Variants in TBX19 observed in about 807,000 individuals in gnomAD.
TBX19 encodes T-box transcription factor 19.
In TBX19, 33 loss-of-function variants were observed where a neutral mutation model predicts 40.9. That is an observed-to-expected ratio of 0.81 (90% CI 0.61 to 1.08). The LOEUF (loss-of-function observed/expected upper bound fraction) is 1.08. Among genes scored for constraint, TBX19 ranks in the 50% least tolerant of loss-of-function variants. The probability of loss-of-function intolerance (pLI) is 0.00; values close to 1 mark genes in which losing one functional copy is unlikely to be tolerated. For synonymous variants in TBX19, 220 were observed against 225.0 expected, an observed-to-expected ratio of 0.98 and a Z score of 0.20; for missense variants, 494 against 574.0, an observed-to-expected ratio of 0.86 and a Z score of 1.42.
At chr1:168,293,057 G>T in intron 2 of TBX19, 87 bp from the exon 3 acceptor site, 1 of 1,594,430 alleles carries the variant, frequency 6.3e-7, no homozygotes. Flanking sequence ...TGCTAAGCTT[G>T]GGACCAACTG....
chr1:168,305,240 T>A (rs1558194523), intron 6 of TBX19, 44 bp downstream of exon 6: 1 of 1,594,948 alleles, frequency 6.3e-7, no homozygotes, highest in Admixed American at 1.7e-5. Context: ...TGGGCTGGGG[T>A]GGGGGCAGTC....
At chr1:168,292,824 A>C (rs1046846126) in intron 2 of TBX19, among the ~76,000 whole-genome samples, 13 of 146,056 alleles carry the variant, frequency 8.9e-5, no homozygotes, top group South Asian at 2.2e-4. Flanking sequence ...AGATAGCGCC[A>C]CTGCACTCCA....
intron 3 of TBX19, among the ~76,000 whole-genome samples, chr1:168,297,036 G>T (rs1649127677): frequency 6.6e-6 from 1 of 152,178 alleles, no homozygotes; most frequent in Non-Finnish European, 1.5e-5. Flanking sequence ...TTACATCCCA[G>T]TGGGGAGAGA....
rs56042823 is a variant in TBX19 at position 168,306,626 on chromosome 1, CAA to C, written c.916+1451_916+1452del. On this transcript the variant is annotated intron_variant, in intron 6 of 7. Coordinates refer to ENST00000367821, the MANE Select transcript of TBX19 (RefSeq NM_005149.3). Reference sequence around the variant, plus strand: ...GGGCAACAAGAGCAAGACGCCATCTCAAAAAAAAAAAAAAAAAAAAAAGATAT... The same window carrying C: ...GGGCAACAAGAGCAAGACGCCATCTCAAAAAAAAAAAAAAAAAAAAGATAT... Among the ~76,000 whole-genome samples the C allele has an allele frequency of 6.7e-3, 506 of 75,248 alleles. 1 individual carries two copies. Among genetic ancestry groups the C allele is most frequent in the African/African-American group, 0.024 (452 of 18,582 alleles). 49.4% of individuals were successfully genotyped at this position (75,248 alleles called of 152,430 possible). A position where few individuals can be genotyped will look rare whatever the true frequency, so the allele number is the denominator to read the frequency against.
At chr1:168,302,867 T>C (rs1444344167) in intron 5 of TBX19, among the ~76,000 whole-genome samples, 1 of 152,084 alleles carries the variant, frequency 6.6e-6, no homozygotes, top group Non-Finnish European at 1.5e-5. Context: ...GCTTTCACTC[T>C]TCCTGCGTAA....
intron 6 of TBX19, among the ~76,000 whole-genome samples, chr1:168,306,404 G>A (rs1649404227): frequency 2.0e-5 from 3 of 151,986 alleles, no homozygotes; most frequent in Admixed American, 2.0e-4. Context: ...GAGGCGGGCG[G>A]ATCACAAGAT....
chr1:168,289,108 A>G (rs1388563707), intron 1 of TBX19, among the ~76,000 whole-genome samples: 1 of 152,374 alleles, frequency 6.6e-6, no homozygotes, highest in East Asian at 1.9e-4. Flanking sequence ...GGACCAGAAC[A>G]CAGAGACCAT....
At chr1:168,300,514 C>T (rs374364568) in intron 5 of TBX19, 31 bp downstream of exon 5, 25 of 1,606,702 alleles carry the variant, frequency 1.6e-5, no homozygotes, top group Non-Finnish European at 2.0e-5. Flanking sequence ...GCGGGAGGTG[C>T]GTGGGGCTGT....
In TBX19 at chr1:168,281,190, G is replaced by C. The variant is rs2102348719; in HGVS notation, c.100G>C (p.Gly34Arg). 1 of 1,614,176 alleles carries C rather than the reference G, an allele frequency of 6.2e-7. No homozygotes were observed. The highest frequency in any genetic ancestry group is 8.5e-7 in the Non-Finnish European group (1 of 1,180,024). ...ESELQAGREK[G>R]DPTEKQLQII... ...TGAGCTTCAGGCAGGGAGGGAAAAAGGCGACCCTACGGAGAAGCAACTTCA... is the reference window on the plus strand; with the variant it reads ...TGAGCTTCAGGCAGGGAGGGAAAAACGCGACCCTACGGAGAAGCAACTTCA... Residue 34 changes from glycine to arginine, a missense_variant, in exon 1 of 8, where the codon GGC becomes CGC. Around this residue, in one of 3 missense-constraint regions of TBX19, gnomAD observed 201 missense variants for 235.2 expected, o/e 0.85. Transcript: ENST00000367821.
intron 6 of TBX19, among the ~76,000 whole-genome samples, chr1:168,305,663 C>G (rs1649388578): frequency 1.3e-5 from 2 of 152,166 alleles, no homozygotes; most frequent in Admixed American, 6.5e-5. Flanking sequence ...ATGTTCAGGC[C>G]TTAGTCTGAT....
At chr1:168,306,958 G>A (rs1415276290) in intron 6 of TBX19, among the ~76,000 whole-genome samples, 1 of 152,216 alleles carries the variant, frequency 6.6e-6, no homozygotes, top group Admixed American at 6.5e-5. Flanking sequence ...CTTGAAAGAT[G>A]AATAGAAAAG....
chr1:168,291,405 A>C lies in TBX19; in HGVS notation c.449A>C (p.Lys150Thr). 6.2e-7 allele frequency: 1 copy of C among 1,614,194 alleles called. No individual in the cohort carries two copies. Reference protein sequence around the residue: ...ISFSKVKLTNKLNGGGQIMLN... With the variant: ...ISFSKVKLTNTLNGGGQIMLN... ...TTCAGCAAAGTGAAGCTGACCAACA[A>C]GCTCAATGGAGGCGGGCAGGTACGA... The change falls in exon 2 of 8, where the codon AAG becomes ACG. Residue 150 changes from lysine to threonine, a missense_variant. Coordinates refer to ENST00000367821, the MANE Select transcript of TBX19 (RefSeq NM_005149.3).
At chr1:168,306,375 C>G (rs1049101718) in intron 6 of TBX19, among the ~76,000 whole-genome samples, 2 of 152,108 alleles carry the variant, frequency 1.3e-5, no homozygotes, top group Admixed American at 1.3e-4. Flanking sequence ...CGCCTGTAAT[C>G]CCAGCACTTT....
intron 4 of TBX19, among the ~76,000 whole-genome samples, chr1:168,298,819 CTTCCTTTCTTTCTTTCTT>C (rs1649185570): frequency 2.1e-5 from 1 of 47,554 alleles, no homozygotes; most frequent in African/African-American, 1.1e-4. Context: ...CCCTCCCTCC[CTTCCTTTCTTTCTTTCTT>C]TCTTTCTTTC....
chr1:168,295,204 T>C (rs1386795886), intron 3 of TBX19, among the ~76,000 whole-genome samples: 4 of 151,794 alleles, frequency 2.6e-5, no homozygotes, highest in Non-Finnish European at 5.9e-5. Flanking sequence ...GGCAGGAGAA[T>C]TGCTTGAACC....
chr1:168,301,066 C>T (rs1382080680), intron 5 of TBX19, among the ~76,000 whole-genome samples: 2 of 152,214 alleles, frequency 1.3e-5, no homozygotes, highest in Non-Finnish European at 2.9e-5. Flanking sequence ...ATGCAACCCA[C>T]GATCAGTGAC....
chr1:168,300,657 G>T (rs1649255884), intron 5 of TBX19, among the ~76,000 whole-genome samples, 174 bp downstream of exon 5: 1 of 152,180 alleles, frequency 6.6e-6, no homozygotes, highest in African/African-American at 2.4e-5. Context: ...TCCAGAGAGA[G>T]AGCCAATGGT....
intron 7 of TBX19, among the ~76,000 whole-genome samples, chr1:168,312,245 A>C (rs944829253): frequency 6.6e-6 from 1 of 152,240 alleles, no homozygotes; most frequent in East Asian, 1.9e-4. Flanking sequence ...GATATTAAAT[A>C]ATCTAGCCAA....
In TBX19 at chr1:168,287,502, T is replaced by C. The variant is rs148477712; in HGVS notation, c.204-3658T>C. 8.5e-5 allele frequency among the ~76,000 whole-genome samples: 13 copies of C among 152,306 alleles called. No homozygotes were observed. The East Asian group carries it at 2.5e-3, about 29-fold the overall frequency. On this transcript the variant is annotated intron_variant, in intron 1 of 7. Transcript: ENST00000367821. Reference sequence around the variant, plus strand: ...TTAATAGAGATGGGGTCTCGCTAAATTGACCAGACTGGTCTCAAACTCTGG... The same window carrying C: ...TTAATAGAGATGGGGTCTCGCTAAACTGACCAGACTGGTCTCAAACTCTGG...
Sources: allele counts gnomAD v4.1 joint callset (sites outside exome capture counted in the v4.1 genomes callset), GRCh38; gene constraint gnomAD v4.1.1; regional missense constraint gnomAD v4.1.1; transcripts MANE v1.5; gene names NCBI Gene and HGNC (gene_info 2026-07-23, HGNC 2026-07-21).